The following ANKAR variants were observed in gnomAD, a reference collection of about 807,000 sequenced individuals.
ANKAR encodes the protein ankyrin and armadillo repeat containing.
A neutral mutation model predicts 146.2 loss-of-function variants in ANKAR; 136 were observed. The ratio of observed to expected loss-of-function variants is 0.93; its 90% confidence interval spans 0.81 to 1.07. The LOEUF (loss-of-function observed/expected upper bound fraction) is 1.07. Ranked by LOEUF, ANKAR falls within the 50% of genes least tolerant of loss-of-function variation. The pLI is 0.00. For missense variants in ANKAR, 1,567 were observed against 1,679.9 expected, an observed-to-expected ratio of 0.93 and a Z score of 1.18; for synonymous variants, 500 against 575.8, an observed-to-expected ratio of 0.87 and a Z score of 1.88.
rs746341337 is a variant in ANKAR at position 189,743,239 on chromosome 2, GC to G, written c.3811-33del. 3.1e-6 allele frequency: 5 copies of G among 1,589,130 alleles called. No individual in the cohort carries two copies. The East Asian group carries it at 9.0e-5, about 29-fold the overall frequency. ...AACATTAAGATATTTTAAGAACAAA[GC>G]CCACTGGTTAAGAAAGAATTGTTTC... On this transcript the variant is annotated intron_variant, in intron 20 of 22. Coordinates refer to ENST00000684021, the MANE Select transcript of ANKAR (RefSeq NM_001378068.1).
chr2:189,741,566 C>A lies in ANKAR; in HGVS notation c.3810+115C>A, dbSNP rs988392154. 4 of 576,692 alleles carry A rather than the reference C, an allele frequency of 6.9e-6. No homozygotes were observed. The African/African-American group carries it at 7.7e-5, about 11-fold the overall frequency. The allele number at this position is 576,692 out of a possible 1,614,324, so 35.7% of individuals were successfully genotyped here. A position where few individuals can be genotyped will look rare whatever the true frequency, so the allele number is the denominator to read the frequency against. On this transcript the variant is annotated intron_variant, in intron 20 of 22. Transcript: ENST00000684021. ...ACTGTGTTATAGATATAATATAATT[C>A]TTATTACTAACTCAAAATTACATGA...
intron 2 of ANKAR, among the ~76,000 whole-genome samples, chr2:189,688,066 A>T (rs139313046): frequency 2.6e-5 from 4 of 151,280 alleles, no homozygotes; most frequent in African/African-American, 7.3e-5. Flanking sequence ...AGTTTACCCA[A>T]TTTTTTTTTA....
chr2:189,743,912 G>C (rs989864265), intron 21 of ANKAR, among the ~76,000 whole-genome samples: 2 of 152,206 alleles, frequency 1.3e-5, no homozygotes, highest in East Asian at 3.9e-4. Context: ...ATTAGACTTA[G>C]TGGTTAGTTA....
intron 12 of ANKAR, among the ~76,000 whole-genome samples, 190 bp downstream of exon 12, chr2:189,720,977 G>A (rs2041168270): frequency 6.6e-6 from 1 of 152,042 alleles, no homozygotes; most frequent in African/African-American, 2.4e-5. Context: ...TGTAGATACA[G>A]TTAAATTTAT....
At position 189,719,605 on chromosome 2, in the gene ANKAR, G is replaced by C. The variant is rs759523220; in HGVS notation, c.2258G>C (p.Ser753Thr). Reference sequence around the variant, plus strand: ...CCTGCCTTAATCAATCTATTAAAAAGTTCCAAAATAAAACTGCAGTGCAAA... The same window carrying C: ...CCTGCCTTAATCAATCTATTAAAAACTTCCAAAATAAAACTGCAGTGCAAA... ...TIPALINLLK[S>T]SKIKLQCKTV... Residue 753 changes from serine to threonine, a missense_variant, in exon 11 of 23, where the codon AGT (serine) becomes ACT (threonine). Coordinates refer to ENST00000684021, the MANE Select transcript of ANKAR (RefSeq NM_001378068.1). 1 of 1,612,932 alleles carries C rather than the reference G, an allele frequency of 6.2e-7. No individual in the cohort carries two copies. The highest frequency in any genetic ancestry group is 8.5e-7 in the Non-Finnish European group (1 of 1,179,214).
chr2:189,721,684 T>C (rs926451143), intron 12 of ANKAR, among the ~76,000 whole-genome samples: 15 of 152,306 alleles, frequency 9.8e-5, no homozygotes, highest in Admixed American at 3.9e-4. Context: ...TTCATTCCAG[T>C]TAGCACATTT....
At chr2:189,674,911 G>A (rs528846508) in intron 1 of ANKAR, 81 bp downstream of exon 1, 1 of 152,554 alleles carries the variant, frequency 6.6e-6, no homozygotes, top group African/African-American at 2.4e-5. Context: ...GTGGGTCCCG[G>A]GCTTGACTGG....
intron 7 of ANKAR, among the ~76,000 whole-genome samples, chr2:189,699,855 AG>A (rs1214175352): frequency 6.6e-6 from 1 of 152,034 alleles, no homozygotes; most frequent in Non-Finnish European, 1.5e-5. Flanking sequence ...TAGTAGAGAC[AG>A]GGTTTCACCA....
chr2:189,692,621 A>G (rs1165353180), intron 4 of ANKAR: 3 of 433,988 alleles, frequency 6.9e-6, no homozygotes, highest in Non-Finnish European at 1.2e-5. Context: ...GATATCTGAG[A>G]TAAAATTATA....
downstream of ANKAR, chr2:189,762,444 CG>C (rs946104626): frequency 2.9e-6 from 1 of 340,732 alleles, no homozygotes; most frequent in Non-Finnish European, 4.2e-6. Context: ...AAGGCAGTTG[CG>C]GGCAGTGCAG....
chr2:189,741,646 T>C (rs2043341733), intron 20 of ANKAR, among the ~76,000 whole-genome samples, 195 bp downstream of exon 20: 1 of 152,176 alleles, frequency 6.6e-6, no homozygotes, highest in Admixed American at 6.5e-5. Context: ...ACATGACTTT[T>C]CTAATACTAA....
At chr2:189,681,914 C>T (rs2105751550) in intron 2 of ANKAR, among the ~76,000 whole-genome samples, 2 of 152,314 alleles carry the variant, frequency 1.3e-5, no homozygotes, top group Admixed American at 1.3e-4. Context: ...AAATCATCTA[C>T]TTTGGCTTAT....
chr2:189,761,830 C>T (rs1010460767), downstream of ANKAR, among the ~76,000 whole-genome samples: 1 of 152,080 alleles, frequency 6.6e-6, no homozygotes, highest in African/African-American at 2.4e-5. Context: ...ATATAATGTT[C>T]TCCAAGGGGG....
chr2:189,719,699 C>T lies in ANKAR; in HGVS notation c.2352C>T (p.Gly784=). ...TGCATGCTTTGGTAGAAGCGGGAGG[C>T]ATTCCATCTCTAATCAACCTACTGG... ...SAVHALVEAG[G]IPSLINLLVC... is the part of the protein sequence containing the mutation. The change falls in exon 11 of 23, where the codon GGC becomes GGT. Residue 784 remains glycine, a synonymous_variant. Coordinates refer to ENST00000684021, the MANE Select transcript of ANKAR (RefSeq NM_001378068.1). 1 of 1,614,160 alleles carries T rather than the reference C, an allele frequency of 6.2e-7. No individual in the cohort carries two copies. The highest frequency in any genetic ancestry group is 8.5e-7 in the Non-Finnish European group (1 of 1,180,014).
At chr2:189,749,244 TAAAAAAAAAAA>T (rs397987026), downstream of ANKAR, among the ~76,000 whole-genome samples, 1 of 63,254 alleles carries the variant, frequency 1.6e-5, no homozygotes, top group Admixed American at 2.8e-4. Context: ...AGACTCTGTC[TAAAAAAAAAAA>T]AAAAAAAAAA....
intron 18 of ANKAR, among the ~76,000 whole-genome samples, chr2:189,757,068 T>G (rs936339177): frequency 6.6e-6 from 1 of 152,216 alleles, no homozygotes; most frequent in African/African-American, 2.4e-5. Flanking sequence ...GAATTAATAA[T>G]AACAATGTAT....
intron 18 of ANKAR, 98 bp downstream of exon 18, chr2:189,737,939 A>T (rs2042997447): frequency 8.2e-7 from 1 of 1,225,808 alleles, no homozygotes; most frequent in African/African-American, 1.6e-5. Flanking sequence ...ACGTTTACTT[A>T]TTTGTAAAAA....
intron 17 of ANKAR, among the ~76,000 whole-genome samples, chr2:189,737,018 G>A (rs1354012599): frequency 3.3e-5 from 5 of 151,044 alleles, no homozygotes; most frequent in Admixed American, 2.7e-4. Flanking sequence ...AAATTGCAGT[G>A]AGCCAAGATC....
In ANKAR at chr2:189,727,968, T is replaced by A; in HGVS notation, c.2748T>A (p.Phe916Leu). ...CGATTCCTCCTCTGGTGGCTCTTTT[T>A]AAAGGGAAACAAATTAGTGTCCAAA... is the stretch of plus-strand genomic sequence containing the variant. ...EGAIPPLVAL[F>L]KGKQISVQMK... is the part of the protein sequence containing the mutation. The change falls in exon 13 of 23, where the codon TTT becomes TTA. Residue 916 changes from phenylalanine to leucine, a missense_variant. By Grantham distance (22) the Phe-to-Leu change is conservative (BLOSUM62 0). Transcript: ENST00000684021. 6.2e-7 allele frequency: 1 copy of A among 1,614,054 alleles called. No homozygotes were observed. Among genetic ancestry groups the A allele is most frequent in the Middle Eastern group, 1.6e-4 (1 of 6,062 alleles).
Sources: gnomAD v4.1 joint callset for allele counts (sites outside exome capture counted in the v4.1 genomes callset) on GRCh38, gnomAD v4.1.1 for gene constraint, MANE v1.5 for transcripts, NCBI Gene and HGNC (gene_info 2026-07-23, HGNC 2026-07-21) for gene names.